The following NTN1 variants were observed in gnomAD, a reference collection of about 807,000 sequenced individuals.
NTN1 encodes netrin 1.
A neutral mutation model predicts 54.2 loss-of-function variants in NTN1; 11 were observed. The ratio of observed to expected loss-of-function variants is 0.20; its 90% CI spans 0.13 to 0.34. The LOEUF (loss-of-function observed/expected upper bound fraction) is 0.34. NTN1 is among the 10% of genes least tolerant of loss of function. The pLI is 1.00. For missense variants in NTN1, 740 were observed against 893.1 expected, an observed-to-expected ratio of 0.83 and a Z score of 2.18; for synonymous variants, 371 against 382.0, an observed-to-expected ratio of 0.97 and a Z score of 0.33.
intron 2 of NTN1, among the ~76,000 whole-genome samples, chr17:9,091,279 G>T (rs558851642): frequency 6.6e-6 from 1 of 151,998 alleles, no homozygotes; most frequent in East Asian, 1.9e-4. Flanking sequence ...TTAGAGACAG[G>T]GTCTCGCCCT....
intron 2 of NTN1, among the ~76,000 whole-genome samples, chr17:9,131,566 G>A (rs1355585399): frequency 6.7e-6 from 1 of 150,088 alleles, no homozygotes; most frequent in Admixed American, 6.6e-5. Context: ...TTTCGGCCAT[G>A]GTATTCCCTT....
intron 2 of NTN1, among the ~76,000 whole-genome samples, chr17:9,060,328 T>A (rs2091992889): frequency 6.6e-6 from 1 of 152,210 alleles, no homozygotes; most frequent in African/African-American, 2.4e-5. Flanking sequence ...TTCTAACATG[T>A]TTTATTGTAA....
chr17:9,057,951 G>A lies in NTN1; in HGVS notation c.1018+34560G>A, dbSNP rs147089375. ...TGTCCAGGCTGGAGTGCAGTGGCAC[G>A]ATCTCAGCTCACTGCAACCTCCGCC... On this transcript the variant is annotated intron_variant, in intron 2 of 6. Transcript: ENST00000173229. 7.3e-3 allele frequency among the ~76,000 whole-genome samples: 1,115 copies of A among 152,250 alleles called. 16 individuals are homozygous for A. Among genetic ancestry groups the A allele is most frequent in the South Asian group, 0.046 (223 of 4,822 alleles).
At chr17:9,194,543 T>C (rs1367968856) in intron 5 of NTN1, among the ~76,000 whole-genome samples, 1 of 152,178 alleles carries the variant, frequency 6.6e-6, no homozygotes, top group African/African-American at 2.4e-5. Flanking sequence ...ACCTGGGGGC[T>C]GGAGATCTCT....
chr17:9,034,615 G>T (rs549145478), intron 2 of NTN1, among the ~76,000 whole-genome samples: 2 of 151,716 alleles, frequency 1.3e-5, no homozygotes, highest in Admixed American at 6.6e-5. Flanking sequence ...TGGAGACGGG[G>T]TTTCACCATG....
chr17:9,178,959 AG>A (rs574649308), intron 3 of NTN1: 3 of 152,318 alleles, frequency 2.0e-5, no homozygotes, highest in African/African-American at 7.2e-5. Flanking sequence ...ACAGCGACAG[AG>A]CCTCCGTGAA....
chr17:9,037,695 C>T (rs1375989911), intron 2 of NTN1, among the ~76,000 whole-genome samples: 1 of 152,122 alleles, frequency 6.6e-6, no homozygotes, highest in Non-Finnish European at 1.5e-5. Flanking sequence ...TTTGCTGTCA[C>T]CTTAGCCCGA....
intron 2 of NTN1, among the ~76,000 whole-genome samples, chr17:9,119,066 G>A (rs1422228449): frequency 1.3e-5 from 2 of 152,200 alleles, no homozygotes; most frequent in East Asian, 1.9e-4. Flanking sequence ...CTGCTGGACT[G>A]TTTTTCAAAG....
intron 5 of NTN1, among the ~76,000 whole-genome samples, chr17:9,193,092 A>AAAG (rs1691607305): frequency 7.2e-6 from 1 of 138,648 alleles, no homozygotes; most frequent in Admixed American, 7.1e-5. Context: ...AAAAAAAAAA[A>AAAG]AAAGAAAAAG....
chr17:9,054,786 C>CACAA (rs1371733030), intron 2 of NTN1, among the ~76,000 whole-genome samples: 1 of 152,062 alleles, frequency 6.6e-6, no homozygotes, highest in East Asian at 1.9e-4. Flanking sequence ...CCATCAGGAA[C>CACAA]ACAAGTCCCC....
At chr17:9,109,236 T>C (rs2092180967) in intron 2 of NTN1, among the ~76,000 whole-genome samples, 1 of 152,228 alleles carries the variant, frequency 6.6e-6, no homozygotes, top group African/African-American at 2.4e-5. Context: ...AAGTTTGAAA[T>C]ACTTCTCATT....
intron 2 of NTN1, among the ~76,000 whole-genome samples, chr17:9,059,031 G>A (rs1293219979): frequency 6.6e-6 from 1 of 152,196 alleles, no homozygotes; most frequent in African/African-American, 2.4e-5. Context: ...TCAGAGGGCT[G>A]TTAGGAGCAT....
At chr17:9,141,405 G>A (rs2092297350) in intron 2 of NTN1, among the ~76,000 whole-genome samples, 1 of 152,160 alleles carries the variant, frequency 6.6e-6, no homozygotes, top group African/African-American at 2.4e-5. Flanking sequence ...GAGATGCGGT[G>A]AACTCCGTCA....
chr17:9,045,352 G>A (rs185138452), intron 2 of NTN1, among the ~76,000 whole-genome samples: 4 of 152,284 alleles, frequency 2.6e-5, no homozygotes, highest in Non-Finnish European at 5.9e-5. Context: ...GCCACCTCCC[G>A]TCATGAAATA....
At position 9,022,976 on chromosome 17, in the gene NTN1, C is replaced by T. The variant is rs764161119; in HGVS notation, c.603C>T (p.Ala201=). The stretch of plus-strand genomic sequence containing the variant: ...TCACCAAGCAGAACGAGCAGGAGGC[C>T]GTGTGCACCGACTCGCACACCGACA... ...APITKQNEQE[A]VCTDSHTDMR... Residue 201 remains alanine (A), a synonymous_variant, in exon 2 of 7, where the codon GCC becomes GCT. Transcript: ENST00000173229. 1.9e-6 allele frequency: 3 copies of T among 1,610,622 alleles called. No individual in the cohort carries two copies. In the African/African-American group the frequency reaches 4.0e-5, roughly 22 times the overall value.
intron 2 of NTN1, among the ~76,000 whole-genome samples, chr17:9,141,906 A>G (rs923251166): frequency 1.3e-5 from 2 of 152,114 alleles, no homozygotes; most frequent in African/African-American, 4.8e-5. Context: ...TACTAAAACT[A>G]CAAAAATTAG....
chr17:9,136,693 G>A (rs538519241), intron 2 of NTN1, among the ~76,000 whole-genome samples: 1 of 152,162 alleles, frequency 6.6e-6, no homozygotes, highest in Non-Finnish European at 1.5e-5. Context: ...GTGTGTGTGC[G>A]CTTCATCCTT....
chr17:9,014,145 G>A, the NTN1 span, among the ~76,000 whole-genome samples: 8 of 152,120 alleles, frequency 5.3e-5, no homozygotes, highest in Non-Finnish European at 7.3e-5. Flanking sequence ...CTCCAGGAAC[G>A]CTTCCCACTA....
intron 5 of NTN1, among the ~76,000 whole-genome samples, chr17:9,215,250 T>G (rs137953853): frequency 7.2e-6 from 1 of 138,210 alleles, no homozygotes; most frequent in African/African-American, 2.7e-5. Flanking sequence ...GCTAGATAGA[T>G]ACACACACAC....
Sources: gnomAD v4.1 joint callset for allele counts (sites outside exome capture counted in the v4.1 genomes callset) on GRCh38, gnomAD v4.1.1 for gene constraint, MANE v1.5 for transcripts, NCBI Gene and HGNC (gene_info 2026-07-23, HGNC 2026-07-21) for gene names.